The following ARK2C variants were observed in gnomAD, a reference collection of about 807,000 sequenced individuals.
ARK2C encodes E3 ubiquitin-protein ligase ARK2C.
chr18:46,360,042 A>G, the ARK2C span, among the ~76,000 whole-genome samples: 1 of 152,196 alleles, frequency 6.6e-6, no homozygotes, highest in African/African-American at 2.4e-5. Context: ...TCTCTACCAT[A>G]GTCATCATGT....
At chr18:46,414,387 C>T in the ARK2C span, among the ~76,000 whole-genome samples, 3 of 152,230 alleles carry the variant, frequency 2.0e-5, no homozygotes, top group Non-Finnish European at 4.4e-5. Context: ...TGACTAACCC[C>T]AGCAGGCCAT....
At chr18:46,451,255 G>T in the ARK2C span, among the ~76,000 whole-genome samples, 1 of 152,160 alleles carries the variant, frequency 6.6e-6, no homozygotes, top group Non-Finnish European at 1.5e-5. Context: ...CTGAGCGTCA[G>T]GATCACCTGG....
At chr18:46,403,309 G>C in the ARK2C span, among the ~76,000 whole-genome samples, 5 of 152,164 alleles carry the variant, frequency 3.3e-5, no homozygotes, top group Non-Finnish European at 7.3e-5. Flanking sequence ...TGGAAATGCA[G>C]AACAGCCCAA....
At chr18:46,372,106 G>T in the ARK2C span, among the ~76,000 whole-genome samples, 9 of 152,202 alleles carry the variant, frequency 5.9e-5, no homozygotes, top group Non-Finnish European at 1.2e-4. Context: ...TGTGAACCCT[G>T]ATGACAGTGC....
the ARK2C span, among the ~76,000 whole-genome samples, chr18:46,340,661 T>A: frequency 6.6e-6 from 1 of 152,238 alleles, no homozygotes; most frequent in South Asian, 2.1e-4. Context: ...CCTGGAAGGG[T>A]GATCTTAGGC....
At chr18:46,347,577 C>T in the ARK2C span, among the ~76,000 whole-genome samples, 1 of 152,268 alleles carries the variant, frequency 6.6e-6, no homozygotes, top group East Asian at 1.9e-4. Flanking sequence ...TCATTCTTAC[C>T]TGCCAGGTGA....
the ARK2C span, among the ~76,000 whole-genome samples, chr18:46,387,443 A>T: frequency 1.3e-5 from 2 of 152,250 alleles, no homozygotes; most frequent in Non-Finnish European, 2.9e-5. Context: ...ATTAGCTCTG[A>T]GGACAAGAAA....
At chr18:46,400,032 C>G in the ARK2C span, among the ~76,000 whole-genome samples, 1 of 152,176 alleles carries the variant, frequency 6.6e-6, no homozygotes, top group African/African-American at 2.4e-5. Flanking sequence ...AGCCTCTGGG[C>G]CCCTGGGGTG....
At chr18:46,450,849 G>T in the ARK2C span, 1 of 1,398,132 alleles carries the variant, frequency 7.2e-7, no homozygotes, top group Non-Finnish European at 1.0e-6. Context: ...GGGGCAGGGG[G>T]GTTGTCTAAT....
the ARK2C span, among the ~76,000 whole-genome samples, chr18:46,439,086 A>G: frequency 6.6e-6 from 1 of 152,152 alleles, no homozygotes; most frequent in Non-Finnish European, 1.5e-5. Flanking sequence ...TAGCAGCTGG[A>G]CCTGGGCTGT....
At chr18:46,368,114 G>A in the ARK2C span, among the ~76,000 whole-genome samples, 1 of 152,210 alleles carries the variant, frequency 6.6e-6, no homozygotes, top group Non-Finnish European at 1.5e-5. Flanking sequence ...CAAATGGTGG[G>A]AAACTACTGC....
the ARK2C span, among the ~76,000 whole-genome samples, chr18:46,454,485 T>G: frequency 6.6e-6 from 1 of 152,172 alleles, no homozygotes; most frequent in Non-Finnish European, 1.5e-5. Context: ...GAAAACTTAT[T>G]ACAGAAGCCT....
At chr18:46,458,789 G>C in the ARK2C span, 1 of 152,246 alleles carries the variant, frequency 6.6e-6, no homozygotes, top group Non-Finnish European at 1.5e-5. Flanking sequence ...CAATAGCTTT[G>C]AGGAGCTCAC....
chr18:46,376,232 C>T, the ARK2C span, among the ~76,000 whole-genome samples: 1 of 152,234 alleles, frequency 6.6e-6, no homozygotes, highest in Non-Finnish European at 1.5e-5. Flanking sequence ...CTAAAATCAA[C>T]ACACAGCATG....
At chr18:46,380,651 G>A in the ARK2C span, among the ~76,000 whole-genome samples, 17 of 152,126 alleles carry the variant, frequency 1.1e-4, no homozygotes, top group Non-Finnish European at 1.0e-4. Flanking sequence ...ACTGGGAGCT[G>A]GGAGCAGGGA....
At chr18:46,392,011 C>T in the ARK2C span, among the ~76,000 whole-genome samples, 20,135 of 151,598 alleles carry the variant, frequency 0.13, 1,474 homozygotes, top group East Asian at 0.3. Context: ...CATATGCACA[C>T]AACACACACA....
the ARK2C span, chr18:46,336,733 CCT>C: frequency 1.0e-6 from 1 of 985,348 alleles, no homozygotes; most frequent in South Asian, 4.7e-5. Flanking sequence ...ACTGTAAATC[CCT>C]GTTAAGTGGA....
At chr18:46,370,143 C>T in the ARK2C span, among the ~76,000 whole-genome samples, 3 of 152,200 alleles carry the variant, frequency 2.0e-5, no homozygotes, top group Admixed American at 1.3e-4. Flanking sequence ...CACTTCCTTC[C>T]CTGCTTTGAT....
At chr18:46,431,761 T>C in the ARK2C span, among the ~76,000 whole-genome samples, 1 of 152,318 alleles carries the variant, frequency 6.6e-6, no homozygotes, top group South Asian at 2.1e-4. Context: ...CTGGGCAGAA[T>C]TGCTCCTTAC....
Sources: allele counts gnomAD v4.1 joint callset (sites outside exome capture counted in the v4.1 genomes callset), GRCh38; gene constraint gnomAD v4.1.1; transcripts MANE v1.5; gene names NCBI Gene and HGNC (gene_info 2026-07-23, HGNC 2026-07-21).